Variants in TLCD3B observed in about 807,000 individuals in gnomAD.
The protein encoded by TLCD3B is ceramide synthase.
In TLCD3B, 9 loss-of-function variants were observed where a neutral mutation model predicts 23.0. The ratio of observed to expected loss-of-function variants is 0.39; its 90% CI spans 0.24 to 0.68. The LOEUF is 0.68. Ranked by LOEUF, TLCD3B falls within the 30% of genes least tolerant of loss-of-function variation. The pLI, the probability that TLCD3B is intolerant of heterozygous loss-of-function variation, is 0.44. For synonymous variants in TLCD3B, 161 were observed against 161.0 expected (o/e 1.00, Z 0.00); for missense variants, 307 against 371.8 (o/e 0.83, Z 1.43).
chr16:30,044,344 G>GT (rs1000343324), intron 2 of TLCD3B, among the ~76,000 whole-genome samples: 1 of 151,382 alleles, frequency 6.6e-6, no homozygotes, highest in African/African-American at 2.4e-5. Context: ...TTTCGCTCTT[G>GT]TTGCCCAGGC....
In TLCD3B at chr16:30,029,614, G is replaced by A. The variant is rs941558065; in HGVS notation, c.126-99C>T. On this transcript the variant is annotated intron_variant, in intron 1 of 4. Transcript: ENST00000380495. The surrounding 1 kb of genome is among the most constrained non-coding windows in gnomAD (Gnocchi z 4.6). ...GTCTAACGACTGCGCTTTGCGTTCA[G>A]CCACTTCTCGGGCCAGTCCTTGCCT... 9 of 1,054,382 alleles carry A rather than the reference G, an allele frequency of 8.5e-6. No individual in the cohort carries two copies. Among genetic ancestry groups the A allele is most frequent in the Non-Finnish European group, 1.3e-5 (9 of 700,498 alleles). 65.3% of individuals were successfully genotyped at this position (1,054,382 alleles called of 1,614,324 possible). A position where few individuals can be genotyped will look rare whatever the true frequency, so the allele number is the denominator to read the frequency against.
chr16:30,052,443 T>A (rs1175640598), intron 1 of TLCD3B, among the ~76,000 whole-genome samples: 1 of 151,436 alleles, frequency 6.6e-6, no homozygotes, highest in African/African-American at 2.4e-5. Flanking sequence ...ACGCCTATAA[T>A]CCCAGCACTT....
chr16:30,051,724 G>T (rs982864229), intron 1 of TLCD3B, among the ~76,000 whole-genome samples: 4 of 152,110 alleles, frequency 2.6e-5, no homozygotes, highest in African/African-American at 9.7e-5. Context: ...TGTGAGAAGT[G>T]CGAGAACAAC....
At chr16:30,045,625 A>G (rs187824138) in intron 2 of TLCD3B, among the ~76,000 whole-genome samples, 3,349 of 92,314 alleles carry the variant, frequency 0.036, 127 homozygotes, top group African/African-American at 0.13. Context: ...GTGTGTGTGT[A>G]TTTGTGTGTG....
chr16:30,028,812 G>A (rs905877935), intron 2 of TLCD3B, among the ~76,000 whole-genome samples: 1 of 152,172 alleles, frequency 6.6e-6, no homozygotes, highest in Non-Finnish European at 1.5e-5. Flanking sequence ...GTCACCTAGG[G>A]CGGCCGTCAG....
At chr16:30,036,249 T>C (rs1277333263), upstream of TLCD3B, 1 of 1,289,120 alleles carries the variant, frequency 7.8e-7, no homozygotes, top group Admixed American at 2.3e-5. Flanking sequence ...TGTCAAGATA[T>C]TTGGAACTTT....
intron 2 of TLCD3B, among the ~76,000 whole-genome samples, chr16:30,043,603 G>A (rs186224300): frequency 1.3e-5 from 2 of 149,716 alleles, no homozygotes; most frequent in African/African-American, 2.5e-5. Context: ...AGGTCATGCA[G>A]GTAGAAAGTG....
At chr16:30,040,832 GT>G (rs994890717) in intron 3 of TLCD3B, among the ~76,000 whole-genome samples, 10 of 150,530 alleles carry the variant, frequency 6.6e-5, no homozygotes, top group Admixed American at 1.3e-4. Flanking sequence ...ATCTGGGGAG[GT>G]TTTTTTTTCT....
At chr16:30,042,228 T>C (rs925963796) in intron 2 of TLCD3B, among the ~76,000 whole-genome samples, 2 of 151,954 alleles carry the variant, frequency 1.3e-5, no homozygotes, top group African/African-American at 2.4e-5. Context: ...ATTTATTTAC[T>C]TATTTATTTT....
upstream of TLCD3B, chr16:30,035,582 A>G (rs555792800): frequency 1.9e-3 from 2,222 of 1,154,092 alleles, 3 homozygotes; most frequent in Non-Finnish European, 2.4e-3. Flanking sequence ...GGCAAGCCCC[A>G]AGAGACCCAT....
intron 1 of TLCD3B, among the ~76,000 whole-genome samples, chr16:30,052,039 C>T (rs748802406): frequency 2.6e-5 from 4 of 151,826 alleles, no homozygotes; most frequent in Non-Finnish European, 5.9e-5. Context: ...TCAAGACCAG[C>T]CTTAACAACA....
intron 1 of TLCD3B, among the ~76,000 whole-genome samples, chr16:30,048,020 T>C (rs1365969316): frequency 6.6e-6 from 1 of 151,862 alleles, no homozygotes; most frequent in East Asian, 1.9e-4. Context: ...CGGGTGCCTG[T>C]AATCCCAGCT....
chr16:30,027,133 A>C, intron 2 of TLCD3B: 2 of 526,376 alleles, frequency 3.8e-6, no homozygotes, highest in Non-Finnish European at 3.7e-6. Context: ...CACAGACCAA[A>C]AGGCACAGAT....
At chr16:30,037,314 G>A (rs536417789) in intron 3 of TLCD3B, among the ~76,000 whole-genome samples, 93 of 151,624 alleles carry the variant, frequency 6.1e-4, no homozygotes, top group African/African-American at 2.0e-3. Context: ...AGGCCGAGGC[G>A]GGCAGATCAC....
intron 2 of TLCD3B, chr16:30,027,197 G>T (rs1431597740): frequency 2.1e-6 from 1 of 468,880 alleles, no homozygotes; most frequent in East Asian, 6.5e-5. Flanking sequence ...ATGGTTATTT[G>T]TCCTAACCTT....
chr16:30,028,316 C>T (rs1185102685), intron 2 of TLCD3B, among the ~76,000 whole-genome samples: 1 of 152,106 alleles, frequency 6.6e-6, no homozygotes, highest in East Asian at 1.9e-4. Flanking sequence ...CTGGATTAAC[C>T]CGGATCCTCC....
upstream of TLCD3B, chr16:30,035,448 C>A (rs905901670): frequency 1.8e-5 from 23 of 1,289,434 alleles, no homozygotes; most frequent in African/African-American, 3.0e-5. Flanking sequence ...GGGAAGAAGA[C>A]GCAACCCACT....
chr16:30,029,469 T>C lies in TLCD3B; in HGVS notation c.172A>G (p.Ile58Val). Residue 58 changes from isoleucine to valine, a missense_variant, in exon 2 of 5, where the codon ATC (isoleucine) becomes GTC (valine). Transcript: ENST00000380495. This position sits in a 1 kb window ranked among gnomAD's most constrained non-coding sequence, Gnocchi z 4.6. ...QAIMASTAGY[I>V]VSTSCKHIID... is the part of the protein sequence containing the mutation. ...ATGTGCTTGCAGGAGGTGGAGACGA[T>C]GTAGCCGGCAGTGGAGGCCATGATG... The C allele has an allele frequency of 6.2e-7, 1 of 1,613,902 alleles. No individual in the cohort carries two copies. The highest frequency in any genetic ancestry group is 2.2e-5 in the East Asian group (1 of 44,886).
chr16:30,030,807 A>G lies in TLCD3B; in HGVS notation c.-280T>C. ...AGGGATGGGGAGAGGCAAAGAGGGG[A>G]TGGCTTGGTGAGGGACAGAGAGGAA... On this transcript the variant is annotated 5_prime_UTR_variant, in exon 1 of 5. Coordinates refer to ENST00000380495, the MANE Select transcript of TLCD3B (RefSeq NM_031478.6). 1 of 1,065,210 alleles carries G rather than the reference A, an allele frequency of 9.4e-7. No homozygotes were observed. Among genetic ancestry groups the G allele is most frequent in the Non-Finnish European group, 1.1e-6 (1 of 886,550 alleles). 66.0% of individuals were successfully genotyped at this position (1,065,210 alleles called of 1,614,324 possible). A position where few individuals can be genotyped will look rare whatever the true frequency, so the allele number is the denominator to read the frequency against.
Sources: allele counts gnomAD v4.1 joint callset (sites outside exome capture counted in the v4.1 genomes callset), GRCh38; gene constraint gnomAD v4.1.1; non-coding constraint Gnocchi (gnomAD v3.1); transcripts MANE v1.5; gene names NCBI Gene and HGNC (gene_info 2026-07-23, HGNC 2026-07-21).